The following DPP8 variants were observed in gnomAD, a reference collection of about 807,000 sequenced individuals.
The protein encoded by DPP8 is DPP VIII.
Under a neutral mutation model 107.5 loss-of-function variants are expected in DPP8, and 31 were observed. The observed-to-expected ratio is 0.29, with a 90% CI of 0.22 to 0.39. The LOEUF is 0.39. Ranked by LOEUF, DPP8 falls within the 10% of genes least tolerant of loss-of-function variation. The pLI is 1.00. For missense variants in DPP8, 842 were observed against 1,076.1 expected (o/e 0.78, Z 3.04); for synonymous variants, 381 against 356.6 (o/e 1.07, Z -0.77).
rs556973309 is a variant in DPP8, at chr15:65,476,914, C to A, written c.1456+1966G>T. 2.1e-4 allele frequency among the ~76,000 whole-genome samples: 32 copies of A among 152,188 alleles called. 1 individual carries two copies. The South Asian group carries it at 6.6e-3, about 32-fold the overall frequency. ...CTACAAAATGGATGAAACTTGAGGA[C>A]ATTATGCTACGTAAACAAGCCAGTC... On this transcript the variant is annotated intron_variant, in intron 11 of 19. Coordinates refer to ENST00000300141, the MANE Select transcript of DPP8 (RefSeq NM_130434.5).
chr15:65,499,997 G>C (rs1369530985), intron 4 of DPP8, among the ~76,000 whole-genome samples: 2 of 151,688 alleles, frequency 1.3e-5, no homozygotes, highest in Non-Finnish European at 2.9e-5. Context: ...CCAGGTTCAA[G>C]TGATCCTCCC....
intron 3 of DPP8, among the ~76,000 whole-genome samples, chr15:65,503,319 T>C (rs1001450614): frequency 2.0e-5 from 3 of 152,212 alleles, no homozygotes; most frequent in African/African-American, 7.2e-5. Context: ...TTGATGAGGC[T>C]GGTCTCAAAC....
At position 65,497,964 on chromosome 15, in the gene DPP8, G is replaced by A. The variant is rs771843626; in HGVS notation, c.615C>T (p.Cys205=). The A allele has an allele frequency of 8.8e-5, 142 of 1,611,186 alleles. No individual in the cohort carries two copies. The highest frequency in any genetic ancestry group is 1.2e-4 in the Non-Finnish European group (142 of 1,178,186). Residue 205 remains cysteine (C), a synonymous_variant, in exon 5 of 20, where the codon TGC becomes TGT. Transcript: ENST00000300141. ...AAGCAATCCAGTCTGGATCAGCAGG[G>A]CATAATTTTGGATCCATCCGTATGT... ...CPNIRMDPKL[C]PADPDWIAFI... is the part of the protein sequence containing the mutation.
intron 7 of DPP8, among the ~76,000 whole-genome samples, chr15:65,485,544 C>CAAAAA (rs56940292): frequency 5.1e-3 from 291 of 56,700 alleles, no homozygotes; most frequent in Non-Finnish European, 6.1e-3. Flanking sequence ...GACTCCATCT[C>CAAAAA]AAAAAAAAAA....
At chr15:65,450,150 TAG>T (rs1158411542) in intron 19 of DPP8, among the ~76,000 whole-genome samples, 1 of 126,870 alleles carries the variant, frequency 7.9e-6, no homozygotes, top group Non-Finnish European at 1.7e-5. Context: ...GTATTTTTAG[TAG>T]AGACAGGGTT....
At chr15:65,481,721 G>C (rs572269509) in intron 8 of DPP8, 106 bp from the exon 9 acceptor site, 348 of 649,818 alleles carry the variant, frequency 5.4e-4, no homozygotes, top group Non-Finnish European at 8.0e-4. Flanking sequence ...AATTTTTCCA[G>C]AGTTAGGTAT....
intron 3 of DPP8, among the ~76,000 whole-genome samples, chr15:65,504,363 C>CAA (rs1180567373): frequency 4.9e-4 from 41 of 84,242 alleles, no homozygotes; most frequent in African/African-American, 1.6e-3. Flanking sequence ...AACTCCATCT[C>CAA]AAAAAAAAAA....
intron 6 of DPP8, among the ~76,000 whole-genome samples, chr15:65,489,415 T>TTTTTC (rs2067777868): frequency 7.4e-6 from 1 of 135,526 alleles, no homozygotes; most frequent in Non-Finnish European, 1.6e-5. Context: ...ATAATCTACT[T>TTTTTC]TTTTTTTTTT....
At chr15:65,455,943 G>A in intron 16 of DPP8, 1 of 1,019,404 alleles carries the variant, frequency 9.8e-7, no homozygotes, top group Non-Finnish European at 1.3e-6. Flanking sequence ...ACTGTGTACA[G>A]GATGCTGAAA....
At chr15:65,515,597 G>A (rs576559998) in intron 1 of DPP8, 3 of 1,454,880 alleles carry the variant, frequency 2.1e-6, no homozygotes, top group South Asian at 2.3e-5. Context: ...TCTCAGCACA[G>A]TGCATATATT....
At position 65,475,442 on chromosome 15, in the gene DPP8, G is replaced by C. The variant is rs553417973; in HGVS notation, c.1457-1154C>G. ...CAAATATACCTTATTATGGCATTCA[G>C]GGAGCCAGGGTCCAGAGCTGCAGGG... On this transcript the variant is annotated intron_variant, in intron 11 of 19. Transcript: ENST00000300141. The C allele has an allele frequency of 2.1e-5, 33 of 1,570,194 alleles. 1 individual carries two copies. The South Asian group carries it at 3.3e-4, about 16-fold the overall frequency.
intron 3 of DPP8, among the ~76,000 whole-genome samples, chr15:65,501,175 C>T (rs905250933): frequency 2.0e-5 from 3 of 152,036 alleles, no homozygotes; most frequent in Non-Finnish European, 4.4e-5. Flanking sequence ...CCGCGCCTGG[C>T]GACTCTACAT....
chr15:65,480,472 T>TGTAA, intron 9 of DPP8, 73 bp from the exon 10 acceptor site: 1 of 1,067,884 alleles, frequency 9.4e-7, no homozygotes. Context: ...TATTATCTCC[T>TGTAA]TTGGCACCTA....
At chr15:65,482,180 G>C (rs1257656329) in intron 8 of DPP8, among the ~76,000 whole-genome samples, 1 of 151,094 alleles carries the variant, frequency 6.6e-6, no homozygotes, top group East Asian at 1.9e-4. Context: ...CTACAGGTAA[G>C]GTGTGTGCTT....
chr15:65,508,950 G>T (rs770819497), intron 2 of DPP8, among the ~76,000 whole-genome samples: 2 of 152,172 alleles, frequency 1.3e-5, no homozygotes, highest in African/African-American at 2.4e-5. Flanking sequence ...GGGTGAAAGA[G>T]ATCCTCAACC....
At chr15:65,450,331 T>C (rs370555392) in intron 19 of DPP8, among the ~76,000 whole-genome samples, 14 of 152,310 alleles carry the variant, frequency 9.2e-5, no homozygotes, top group Middle Eastern at 3.4e-3. Context: ...ATGAGAAATA[T>C]TGATTGATAT....
At chr15:65,490,419 C>T (rs1017671302) in intron 5 of DPP8, 120 bp from the exon 6 acceptor site, 14 of 695,428 alleles carry the variant, frequency 2.0e-5, no homozygotes, top group African/African-American at 3.6e-5. Flanking sequence ...TGGAGCTGAA[C>T]GGACTGAGTT....
At chr15:65,453,317 T>C (rs1003000097) in intron 17 of DPP8, among the ~76,000 whole-genome samples, 3 of 152,204 alleles carry the variant, frequency 2.0e-5, no homozygotes, top group African/African-American at 4.8e-5. Context: ...GTATGTTGTA[T>C]GTGTTTTACT....
At chr15:65,458,424 C>T (rs928545914) in intron 15 of DPP8, 1 of 152,082 alleles carries the variant, frequency 6.6e-6, no homozygotes, top group East Asian at 1.9e-4. Context: ...CAATGCCTGG[C>T]TAATTTTTGT....
Sources: allele counts gnomAD v4.1 joint callset (sites outside exome capture counted in the v4.1 genomes callset), GRCh38; gene constraint gnomAD v4.1.1; transcripts MANE v1.5; gene names NCBI Gene and HGNC (gene_info 2026-07-23, HGNC 2026-07-21).